ABTB3: variants seen among roughly 807,000 people sequenced by gnomAD.
ABTB3 encodes the protein ankyrin repeat and BTB domain containing 3.
chr12:107,624,026 C>A, the ABTB3 span, among the ~76,000 whole-genome samples: 1 of 151,966 alleles, frequency 6.6e-6, no homozygotes, highest in Admixed American at 6.5e-5. Flanking sequence ...CAGGGAACTG[C>A]AGGTGATTAG....
chr12:107,475,827 C>G, the ABTB3 span, among the ~76,000 whole-genome samples: 11 of 152,212 alleles, frequency 7.2e-5, no homozygotes, highest in Admixed American at 1.3e-4. Flanking sequence ...CTCCTGTGTG[C>G]CCCTGGCCAC....
the ABTB3 span, among the ~76,000 whole-genome samples, chr12:107,364,396 C>T: frequency 1.3e-5 from 2 of 151,828 alleles, no homozygotes; most frequent in Non-Finnish European, 2.9e-5. Context: ...TCAAGTGATT[C>T]TCTTGCCTCA....
At chr12:107,601,336 G>T in the ABTB3 span, among the ~76,000 whole-genome samples, 2 of 152,236 alleles carry the variant, frequency 1.3e-5, no homozygotes, top group African/African-American at 4.8e-5. Flanking sequence ...TTTCCTTGCT[G>T]GTAGAATTGC....
the ABTB3 span, among the ~76,000 whole-genome samples, chr12:107,548,804 T>C: frequency 6.6e-6 from 1 of 152,182 alleles, no homozygotes; most frequent in Non-Finnish European, 1.5e-5. Flanking sequence ...TAGAATAAGG[T>C]TTCTCTCACC....
the ABTB3 span, among the ~76,000 whole-genome samples, chr12:107,542,237 G>A: frequency 1.3e-5 from 2 of 149,216 alleles, no homozygotes; most frequent in Non-Finnish European, 3.0e-5. Flanking sequence ...GCTTGAACCC[G>A]GGAGGCAGGG....
chr12:107,467,816 G>A, the ABTB3 span, among the ~76,000 whole-genome samples: 1 of 152,160 alleles, frequency 6.6e-6, no homozygotes, highest in Non-Finnish European at 1.5e-5. Flanking sequence ...CCCTCCTTTT[G>A]TTTACTAAGA....
the ABTB3 span, among the ~76,000 whole-genome samples, chr12:107,503,689 C>T: frequency 5.0e-5 from 7 of 140,568 alleles, no homozygotes; most frequent in African/African-American, 1.6e-4. Flanking sequence ...CCCAGGAGGT[C>T]GAGGCTGCAC....
chr12:107,473,935 A>G, the ABTB3 span, among the ~76,000 whole-genome samples: 5 of 151,262 alleles, frequency 3.3e-5, no homozygotes, highest in Non-Finnish European at 7.4e-5. Flanking sequence ...GGTGTGCACC[A>G]TCACACTTGG....
the ABTB3 span, among the ~76,000 whole-genome samples, chr12:107,542,450 T>A: frequency 6.6e-6 from 1 of 152,170 alleles, no homozygotes; most frequent in Admixed American, 6.5e-5. Context: ...GAGTGATTCT[T>A]TTACATTCAT....
At chr12:107,559,069 A>C in the ABTB3 span, among the ~76,000 whole-genome samples, 4 of 152,206 alleles carry the variant, frequency 2.6e-5, 1 homozygote, top group African/African-American at 9.6e-5. Flanking sequence ...CAGCCAGACA[A>C]GGCCTGGCAC....
chr12:107,348,907 G>C, the ABTB3 span, among the ~76,000 whole-genome samples: 2 of 152,156 alleles, frequency 1.3e-5, no homozygotes, highest in African/African-American at 4.8e-5. Context: ...GCAGCAGTGA[G>C]GGGGGGACCC....
chr12:107,618,056 C>T, the ABTB3 span: 51 of 1,107,138 alleles, frequency 4.6e-5, no homozygotes, highest in Non-Finnish European at 6.0e-5. Flanking sequence ...CATCACCCCT[C>T]CCAAGCTAGT....
the ABTB3 span, among the ~76,000 whole-genome samples, chr12:107,429,503 G>T: frequency 6.6e-6 from 1 of 152,192 alleles, no homozygotes; most frequent in Non-Finnish European, 1.5e-5. Flanking sequence ...TGAGCCAAAT[G>T]GTTCCTCCCA....
At chr12:107,436,892 G>A in the ABTB3 span, among the ~76,000 whole-genome samples, 1 of 152,156 alleles carries the variant, frequency 6.6e-6, no homozygotes, top group Admixed American at 6.5e-5. Context: ...TTTTGTGGGG[G>A]TCCTGGTCTC....
the ABTB3 span, among the ~76,000 whole-genome samples, chr12:107,543,714 C>T: frequency 6.6e-6 from 1 of 151,968 alleles, no homozygotes; most frequent in Non-Finnish European, 1.5e-5. Flanking sequence ...TGATCTTAGC[C>T]GCCCTCTGTG....
the ABTB3 span, among the ~76,000 whole-genome samples, chr12:107,378,460 C>T: frequency 6.6e-6 from 1 of 152,164 alleles, no homozygotes; most frequent in Non-Finnish European, 1.5e-5. Flanking sequence ...CAGATACTGT[C>T]CTATTTTATA....
At chr12:107,404,942 G>T in the ABTB3 span, among the ~76,000 whole-genome samples, 1 of 152,230 alleles carries the variant, frequency 6.6e-6, no homozygotes, top group Non-Finnish European at 1.5e-5. Context: ...CCATTTTGCA[G>T]ATGAACATAG....
the ABTB3 span, among the ~76,000 whole-genome samples, chr12:107,525,246 GA>G: frequency 1.4e-5 from 2 of 140,748 alleles, no homozygotes; most frequent in African/African-American, 5.3e-5. Flanking sequence ...AGGATCGCTT[GA>G]GCACTGGAGG....
the ABTB3 span, among the ~76,000 whole-genome samples, chr12:107,637,647 A>G: frequency 6.6e-6 from 1 of 152,178 alleles, no homozygotes; most frequent in South Asian, 2.1e-4. Context: ...GCTTTAAAGG[A>G]AAGACAAGAA....
Sources: gnomAD v4.1 joint callset for allele counts (sites outside exome capture counted in the v4.1 genomes callset) on GRCh38, gnomAD v4.1.1 for gene constraint, MANE v1.5 for transcripts, NCBI Gene and HGNC (gene_info 2026-07-23, HGNC 2026-07-21) for gene names.